The following RPTOR variants were observed in gnomAD, a reference collection of about 807,000 sequenced individuals.
RPTOR encodes the protein regulatory-associated protein of mTOR.
A neutral mutation model predicts 169.9 loss-of-function variants in RPTOR; 21 were observed. That is an observed-to-expected ratio of 0.12 (90% CI 0.09 to 0.18). RPTOR has a LOEUF of 0.18. Ranked by LOEUF, RPTOR falls within the 10% of genes least tolerant of loss-of-function variation. The pLI is 1.00. For missense variants in RPTOR, 1,133 were observed against 1,855.9 expected, an observed-to-expected ratio of 0.61 and a Z score of 7.16; for synonymous variants, 732 against 753.2, an observed-to-expected ratio of 0.97 and a Z score of 0.46.
chr17:80,664,893 ATGT>A (rs2065752073), intron 3 of RPTOR, among the ~76,000 whole-genome samples: 1 of 152,176 alleles, frequency 6.6e-6, no homozygotes, highest in African/African-American at 2.4e-5. Context: ...AACATAATTT[ATGT>A]TGTTATAGTT....
chr17:80,686,236 G>T (rs1473509974), intron 3 of RPTOR, among the ~76,000 whole-genome samples: 7 of 150,828 alleles, frequency 4.6e-5, no homozygotes, highest in Admixed American at 2.0e-4. Flanking sequence ...GCCCATGCTG[G>T]AGTGCGGTGG....
chr17:80,825,254 G>A (rs1332258984), intron 9 of RPTOR, among the ~76,000 whole-genome samples: 1 of 150,122 alleles, frequency 6.7e-6, no homozygotes, highest in African/African-American at 2.5e-5. Flanking sequence ...GCCGCGTGGC[G>A]AGGCCAGCGT....
intron 33 of RPTOR, 23 bp downstream of exon 33, chr17:80,963,080 G>A (rs764891220): frequency 2.0e-5 from 27 of 1,378,610 alleles, no homozygotes; most frequent in African/African-American, 1.0e-4. Context: ...GTGGGTGGGG[G>A]TCGGGGGTCG....
chr17:80,590,423 G>A (rs1211088149), intron 1 of RPTOR, among the ~76,000 whole-genome samples: 1 of 149,798 alleles, frequency 6.7e-6, no homozygotes, highest in Non-Finnish European at 1.5e-5. Flanking sequence ...GCACACACGT[G>A]CACACAGTGT....
chr17:80,813,876 G>A (rs1598324369), intron 7 of RPTOR, among the ~76,000 whole-genome samples: 2 of 152,222 alleles, frequency 1.3e-5, no homozygotes, highest in East Asian at 3.8e-4. Context: ...GCTTATGCCT[G>A]TAATCCCAGC....
intron 1 of RPTOR, among the ~76,000 whole-genome samples, chr17:80,575,517 C>T (rs1649102849): frequency 6.6e-6 from 1 of 152,198 alleles, no homozygotes; most frequent in African/African-American, 2.4e-5. Flanking sequence ...TTGCCATGTG[C>T]GAATGGCGCC....
chr17:80,766,164 C>T (rs1200136679), intron 6 of RPTOR, among the ~76,000 whole-genome samples: 1 of 152,050 alleles, frequency 6.6e-6, no homozygotes, highest in Non-Finnish European at 1.5e-5. Flanking sequence ...CAAGCAATCC[C>T]CCCACCTCAG....
chr17:80,941,998 C>T (rs1183748010), intron 25 of RPTOR: 1 of 152,256 alleles, frequency 6.6e-6, no homozygotes, highest in African/African-American at 2.4e-5. Context: ...GTTTGTAGCC[C>T]TCTGTGCATC....
intron 28 of RPTOR, among the ~76,000 whole-genome samples, chr17:80,953,096 C>T (rs1296212965): frequency 6.6e-6 from 1 of 152,080 alleles, no homozygotes; most frequent in East Asian, 1.9e-4. Context: ...ATCTCCTGAC[C>T]TCAGGTGATC....
At chr17:80,669,533 C>A (rs993975204) in intron 3 of RPTOR, among the ~76,000 whole-genome samples, 1 of 152,184 alleles carries the variant, frequency 6.6e-6, no homozygotes, top group East Asian at 1.9e-4. Context: ...TACAGGCGTG[C>A]GCCACCATGC....
Position 80,936,518 on chromosome 17 carries a change from TTAAA to T in RPTOR, c.2920-3973_2920-3970del, listed in dbSNP as rs2068956254. Among the ~76,000 whole-genome samples, 1 of 152,150 alleles carries T rather than the reference TTAAA, an allele frequency of 6.6e-6. No homozygotes were observed. Among genetic ancestry groups the T allele is most frequent in the African/African-American group, 2.4e-5 (1 of 41,434 alleles). Reference sequence around the variant, plus strand: ...AATGAAAGACTCATCAGAACAATATTTAAATAAACTATTGATAAACGCAGTGGCA... The same window carrying T: ...AATGAAAGACTCATCAGAACAATATTTAAACTATTGATAAACGCAGTGGCA... On this transcript the variant is annotated intron_variant, in intron 24 of 33. Coordinates refer to ENST00000306801, the MANE Select transcript of RPTOR (RefSeq NM_020761.3). This position sits in a 1 kb window ranked among gnomAD's most constrained non-coding sequence, Gnocchi z 4.1.
intron 24 of RPTOR, among the ~76,000 whole-genome samples, chr17:80,938,654 T>C (rs1435384199): frequency 2.0e-5 from 3 of 152,254 alleles, no homozygotes; most frequent in African/African-American, 4.8e-5. Context: ...TTGTGGTTAC[T>C]GTTTCCGGGT....
Position 80,742,565 on chromosome 17 carries a change from T to C in RPTOR, c.655-11445T>C, listed in dbSNP as rs146984953. Among the ~76,000 whole-genome samples the C allele has an allele frequency of 9.1e-3, 1,301 of 143,064 alleles. 18 individuals carry two copies. Among genetic ancestry groups the C allele is most frequent in the African/African-American group, 0.031 (1,187 of 37,816 alleles). The allele number at this position is 143,064 out of a possible 152,430, so 93.9% of individuals were successfully genotyped here. On this transcript the variant is annotated intron_variant, in intron 5 of 33. Transcript: ENST00000306801. ...ATACTCACCTACATTTACATACATG[T>C]ATGCACACACATAGACATATATGCA...
Position 80,544,864 on chromosome 17 carries a change from A to G in RPTOR, c.-766A>G. The G allele has an allele frequency of 4.5e-6, 1 of 221,004 alleles. No homozygotes were observed. Among genetic ancestry groups the G allele is most frequent in the Non-Finnish European group, 9.1e-6 (1 of 110,082 alleles). 13.7% of individuals were successfully genotyped at this position (221,004 alleles called of 1,614,324 possible). A position where few individuals can be genotyped will look rare whatever the true frequency, so the allele number is the denominator to read the frequency against. On this transcript the variant is annotated 5_prime_UTR_variant, in exon 1 of 34. It removes an upstream start codon present in the reference 5' UTR. Coordinates refer to ENST00000306801, the MANE Select transcript of RPTOR (RefSeq NM_020761.3). ...TCCTGGCAATATGGCGTCCTCCTTGATGGGCTGATGAGATGAGTTTCACTG... is the reference window on the plus strand; with the variant it reads ...TCCTGGCAATATGGCGTCCTCCTTGGTGGGCTGATGAGATGAGTTTCACTG...
intron 1 of RPTOR, among the ~76,000 whole-genome samples, chr17:80,546,662 G>T (rs983259046): frequency 6.6e-6 from 1 of 152,222 alleles, no homozygotes; most frequent in African/African-American, 2.4e-5. Context: ...TGGTATAAAA[G>T]AGGAAGTTGG....
chr17:80,812,274 C>T (rs1472306834), intron 7 of RPTOR, among the ~76,000 whole-genome samples: 1 of 152,116 alleles, frequency 6.6e-6, no homozygotes, highest in South Asian at 2.1e-4. Context: ...TCCAAATCCT[C>T]TATCTCTGTC....
chr17:80,890,628 G>A (rs7219553), intron 17 of RPTOR, among the ~76,000 whole-genome samples: 2,593 of 152,340 alleles, frequency 0.017, 73 homozygotes, highest in African/African-American at 0.06. Flanking sequence ...GGGCGCTGCA[G>A]GCTGAAGGGA....
chr17:80,572,482 G>C (rs1428165944), intron 1 of RPTOR, among the ~76,000 whole-genome samples: 1 of 151,908 alleles, frequency 6.6e-6, no homozygotes, highest in African/African-American at 2.4e-5. Flanking sequence ...CTGATTTTAG[G>C]AGCTTTTATA....
intron 3 of RPTOR, among the ~76,000 whole-genome samples, chr17:80,688,869 C>T (rs537951232): frequency 1.3e-5 from 2 of 152,258 alleles, no homozygotes; most frequent in Non-Finnish European, 2.9e-5. Context: ...AACACAGACT[C>T]TCTGCCCTTC....
Sources: allele counts gnomAD v4.1 joint callset (sites outside exome capture counted in the v4.1 genomes callset), GRCh38; gene constraint gnomAD v4.1.1; non-coding constraint Gnocchi (gnomAD v3.1); transcripts MANE v1.5; gene names NCBI Gene and HGNC (gene_info 2026-07-23, HGNC 2026-07-21).